DGKB: variants seen among roughly 807,000 people sequenced by gnomAD.
The protein encoded by DGKB is diacylglycerol kinase beta.
In DGKB, 67 loss-of-function variants were observed where a neutral mutation model predicts 114.3. That is an observed-to-expected ratio of 0.59 (90% CI 0.48 to 0.72). The LOEUF is 0.72. Among genes scored for constraint, DGKB ranks in the 30% least tolerant of loss-of-function variants. The pLI, the probability that DGKB is intolerant of heterozygous loss-of-function variation, is 0.00. For synonymous variants in DGKB, 398 were observed against 323.1 expected (o/e 1.23, Z -2.49); for missense variants, 907 against 975.2 (o/e 0.93, Z 0.93).
intron 1 of DGKB, among the ~76,000 whole-genome samples, chr7:14,879,369 G>T (rs1335619300): frequency 6.7e-6 from 1 of 149,496 alleles, no homozygotes; most frequent in Admixed American, 6.6e-5. Flanking sequence ...TGTATCATTT[G>T]AACGACTGTT....
intron 8 of DGKB, among the ~76,000 whole-genome samples, chr7:14,697,764 G>GAAAC (rs1824253486): frequency 7.4e-6 from 1 of 134,800 alleles, no homozygotes; most frequent in Non-Finnish European, 1.6e-5. Context: ...AAGAAAGAAA[G>GAAAC]AAAGAAACAA....
At chr7:14,619,726 G>C (rs1323281343) in intron 15 of DGKB, among the ~76,000 whole-genome samples, 1 of 151,630 alleles carries the variant, frequency 6.6e-6, no homozygotes, top group East Asian at 1.9e-4. Context: ...ACCACTGACT[G>C]TGCCCTTGGG....
chr7:14,276,469 G>C (rs1285276609), intron 23 of DGKB, among the ~76,000 whole-genome samples: 1 of 151,868 alleles, frequency 6.6e-6, no homozygotes, highest in African/African-American at 2.4e-5. Context: ...AAACATTTCC[G>C]ACATAAAGGA....
At chr7:14,870,212 G>A (rs529198708) in intron 1 of DGKB, among the ~76,000 whole-genome samples, 14 of 152,134 alleles carry the variant, frequency 9.2e-5, no homozygotes, top group Non-Finnish European at 1.8e-4. Context: ...CTTTAACTAC[G>A]TAGCCTACAG....
chr7:14,341,147 TCAAA>T (rs1182221082), intron 22 of DGKB, among the ~76,000 whole-genome samples: 2 of 151,866 alleles, frequency 1.3e-5, no homozygotes, highest in African/African-American at 2.4e-5. Flanking sequence ...AAAAAAATTC[TCAAA>T]CAGTCGCAAA....
chr7:14,902,897 T>C (rs1783343084), upstream of DGKB: 1 of 152,102 alleles, frequency 6.6e-6, no homozygotes, highest in East Asian at 1.9e-4. Flanking sequence ...CCGTCTCTGA[T>C]CATTTGCAAC....
At chr7:14,327,198 T>C (rs1808894122) in intron 23 of DGKB, among the ~76,000 whole-genome samples, 2 of 152,278 alleles carry the variant, frequency 1.3e-5, no homozygotes, top group East Asian at 1.9e-4. Context: ...AAAACACCTG[T>C]TATAGTTCCT....
chr7:14,556,810 G>A (rs1276487467), intron 20 of DGKB, among the ~76,000 whole-genome samples: 1 of 152,168 alleles, frequency 6.6e-6, no homozygotes, highest in African/African-American at 2.4e-5. Context: ...CTATGGTTAT[G>A]AGGTATTGAT....
chr7:14,935,858 T>C (rs921213197), intron 1 of DGKB, among the ~76,000 whole-genome samples: 5 of 152,104 alleles, frequency 3.3e-5, no homozygotes, highest in Admixed American at 6.6e-5. Context: ...TAGATCCTTG[T>C]TGAAATGTAG....
chr7:14,388,281 G>C (rs1820761098), intron 21 of DGKB, among the ~76,000 whole-genome samples: 1 of 149,208 alleles, frequency 6.7e-6, no homozygotes, highest in South Asian at 2.1e-4. Flanking sequence ...AAAAAAAGTG[G>C]ATATGCAGTT....
At chr7:14,972,331 T>G (rs1446966970) in intron 1 of DGKB, among the ~76,000 whole-genome samples, 1 of 152,150 alleles carries the variant, frequency 6.6e-6, no homozygotes, top group Non-Finnish European at 1.5e-5. Context: ...GCTGGCAAAC[T>G]GGACTAAATA....
In DGKB at chr7:14,383,135, T is replaced by C. The variant is rs540997222; in HGVS notation, c.1836-37744A>G. Among the ~76,000 whole-genome samples, 7 of 152,312 alleles carry C rather than the reference T, an allele frequency of 4.6e-5. No individual in the cohort carries two copies. The East Asian group carries it at 1.4e-3, about 29-fold the overall frequency. On this transcript the variant is annotated intron_variant, in intron 21 of 25. Transcript: ENST00000402815. ...ACTGGAATACTGCTTTTTGTTTTTC[T>C]ATTTTCAATAGTATCTCCTGTTTAT...
rs755325896 is a variant in DGKB at position 14,362,432 on chromosome 7, A to G, written c.1836-17041T>C. On this transcript the variant is annotated intron_variant, in intron 21 of 25. Coordinates refer to ENST00000402815, the MANE Select transcript of DGKB (RefSeq NM_001350709.2). Reference sequence around the variant, plus strand: ...GCCTATTATTTTTGCTCATTAATTCATTCATTCAACAAGTATTTAATGAAT... The same window carrying G: ...GCCTATTATTTTTGCTCATTAATTCGTTCATTCAACAAGTATTTAATGAAT... 4.7e-4 allele frequency among the ~76,000 whole-genome samples: 72 copies of G among 152,112 alleles called. 1 individual carries two copies. Among genetic ancestry groups the G allele is most frequent in the Non-Finnish European group, 1.2e-4 (8 of 67,976 alleles).
intron 21 of DGKB, among the ~76,000 whole-genome samples, chr7:14,401,869 T>C (rs1823153684): frequency 6.6e-6 from 1 of 151,718 alleles, no homozygotes; most frequent in African/African-American, 2.4e-5. Flanking sequence ...ACGGATAGGA[T>C]GTTTTATTCC....
intron 12 of DGKB, among the ~76,000 whole-genome samples, chr7:14,678,032 T>A (rs1356353030): frequency 2.0e-5 from 3 of 152,090 alleles, no homozygotes; most frequent in African/African-American, 7.2e-5. Context: ...TTAAGTTTAC[T>A]TGCATATCTG....
chr7:14,203,228 C>T (rs1389191309), intron 23 of DGKB, among the ~76,000 whole-genome samples: 6 of 147,894 alleles, frequency 4.1e-5, no homozygotes, highest in Non-Finnish European at 8.9e-5. Context: ...GTTTTCTATA[C>T]CTAAGTTAAA....
At chr7:14,277,759 G>A (rs1041885408) in intron 23 of DGKB, among the ~76,000 whole-genome samples, 4 of 152,136 alleles carry the variant, frequency 2.6e-5, no homozygotes, top group Non-Finnish European at 4.4e-5. Context: ...ATTGATTTCA[G>A]TTTTCAATTT....
intron 20 of DGKB, among the ~76,000 whole-genome samples, chr7:14,514,039 A>G (rs571999897): frequency 1.3e-5 from 2 of 152,164 alleles, no homozygotes; most frequent in Non-Finnish European, 1.5e-5. Context: ...CTTAAAATCC[A>G]TAAGATAAAT....
chr7:14,387,300 C>G (rs1247334730), intron 21 of DGKB, among the ~76,000 whole-genome samples: 2 of 151,326 alleles, frequency 1.3e-5, no homozygotes, highest in African/African-American at 4.9e-5. Context: ...GTAATCCCAC[C>G]TACTCAGGAG....
Sources: gnomAD v4.1 joint callset for allele counts (sites outside exome capture counted in the v4.1 genomes callset) on GRCh38, gnomAD v4.1.1 for gene constraint, MANE v1.5 for transcripts, NCBI Gene and HGNC (gene_info 2026-07-23, HGNC 2026-07-21) for gene names.